Variants in ARHGEF28 observed in about 807,000 individuals in gnomAD.
The protein encoded by ARHGEF28 is 190 kDa guanine nucleotide exchange factor.
In ARHGEF28, 152 loss-of-function variants were observed where a neutral mutation model predicts 206.6. The ratio of observed to expected loss-of-function variants is 0.74; its 90% CI spans 0.64 to 0.84. The LOEUF (loss-of-function observed/expected upper bound fraction) is 0.84. Ranked by LOEUF, ARHGEF28 falls within the 40% of genes least tolerant of loss-of-function variation. ARHGEF28 has a pLI of 0.00. For synonymous variants in ARHGEF28, 763 were observed against 776.4 expected, an observed-to-expected ratio of 0.98 and a Z score of 0.29; for missense variants, 2,028 against 2,073.2, an observed-to-expected ratio of 0.98 and a Z score of 0.42.
intron 16 of ARHGEF28, 54 bp from the exon 17 acceptor site, chr5:73,864,763 T>C: frequency 6.7e-7 from 1 of 1,489,056 alleles, no homozygotes; most frequent in Non-Finnish European, 9.3e-7. Context: ...GTCTTATTAA[T>C]TTCAGACTAA....
chr5:73,654,911 T>A (rs1745086979), intron 1 of ARHGEF28, among the ~76,000 whole-genome samples: 1 of 152,204 alleles, frequency 6.6e-6, no homozygotes. Context: ...AGGGAGAGAT[T>A]CTGCCTCCAG....
chr5:73,669,499 A>G (rs951060343), intron 1 of ARHGEF28, among the ~76,000 whole-genome samples: 1 of 152,186 alleles, frequency 6.6e-6, no homozygotes, highest in Non-Finnish European at 1.5e-5. Flanking sequence ...TAATATAACA[A>G]CCAATCTAGA....
chr5:73,865,010 A>C, intron 17 of ARHGEF28, 138 bp downstream of exon 17: 1 of 731,104 alleles, frequency 1.4e-6, no homozygotes, highest in South Asian at 2.0e-5. Context: ...ATATGCTCAA[A>C]GTGTATAGTT....
At chr5:73,854,300 G>A (rs547414426) in intron 14 of ARHGEF28, among the ~76,000 whole-genome samples, 313 of 152,262 alleles carry the variant, frequency 2.1e-3, no homozygotes, top group Non-Finnish European at 3.9e-3. Flanking sequence ...TTCTAGAAAA[G>A]GGGACATCCA....
chr5:73,909,572 A>C lies in ARHGEF28; in HGVS notation c.4322A>C (p.His1441Pro), dbSNP rs1344057370. 1 of 1,567,244 alleles carries C rather than the reference A, an allele frequency of 6.4e-7. No homozygotes were observed. Among genetic ancestry groups the C allele is most frequent in the Admixed American group, 1.9e-5 (1 of 52,618 alleles). ...CAGCATGAGGAGCTGGCCAATGTGC[A>C]CCAGCTTCAGCACCAGCTCCAGCAG... ...DRQHEELANV[H>P]QLQHQLQQEQ... Residue 1441 changes from histidine (H) to proline (P), a missense_variant, in exon 34 of 36, where the codon CAC becomes CCC. Transcript: ENST00000513042.
At chr5:73,791,650 G>GA (rs35287391) in intron 7 of ARHGEF28, among the ~76,000 whole-genome samples, 79,755 of 151,978 alleles carry the variant, frequency 0.52, 21,227 homozygotes, top group African/African-American at 0.62. Flanking sequence ...ATAGAGGTGA[G>GA]TTTTTTAGGC....
intron 9 of ARHGEF28, among the ~76,000 whole-genome samples, chr5:73,810,678 T>G (rs1755790259): frequency 6.6e-6 from 1 of 152,188 alleles, no homozygotes; most frequent in South Asian, 2.1e-4. Flanking sequence ...GAGAGATTGA[T>G]TCAACACATC....
intron 13 of ARHGEF28, among the ~76,000 whole-genome samples, chr5:73,850,979 G>A (rs1338118818): frequency 2.6e-5 from 4 of 152,132 alleles, no homozygotes; most frequent in Non-Finnish European, 5.9e-5. Flanking sequence ...TTATATGGCT[G>A]CAAACATTTG....
At position 73,858,202 on chromosome 5, in the gene ARHGEF28, A is replaced by G. The variant is rs770919124; in HGVS notation, c.2030A>G (p.Glu677Gly). Residue 677 changes from glutamate to glycine, a missense_variant, in exon 16 of 36, where the codon GAG becomes GGG. Coordinates refer to ENST00000513042, the MANE Select transcript of ARHGEF28 (RefSeq NM_001177693.2). ...TGTGATAAAACACTCCTGGGGAAAG[A>G]GTCACTGCAGTGTTCTAGTAAGTTC... ...LVCDKTLLGKESLQCSNCNAN... is the reference protein window; with the variant it reads ...LVCDKTLLGKGSLQCSNCNAN... 3.1e-6 allele frequency: 5 copies of G among 1,600,432 alleles called. No homozygotes were observed. The highest frequency in any genetic ancestry group is 1.1e-5 in the South Asian group (1 of 88,086).
chr5:73,913,354 C>T (rs1267313201), intron 35 of ARHGEF28, among the ~76,000 whole-genome samples: 1 of 128,022 alleles, frequency 7.8e-6, no homozygotes, highest in Non-Finnish European at 1.6e-5. Flanking sequence ...TTTATGTTTA[C>T]TTCATGATAA....
At chr5:73,830,570 AAAAAAAAG>A (rs1757234448) in intron 9 of ARHGEF28, among the ~76,000 whole-genome samples, 1 of 152,016 alleles carries the variant, frequency 6.6e-6, no homozygotes, top group African/African-American at 2.4e-5. Context: ...GAAAAAAAAA[AAAAAAAAG>A]AAAATGTTTT....
intron 9 of ARHGEF28, among the ~76,000 whole-genome samples, chr5:73,800,155 A>G (rs75234387): frequency 0.031 from 4,744 of 152,158 alleles, 266 homozygotes; most frequent in African/African-American, 0.11. Flanking sequence ...TCCTACCAGC[A>G]TTTTTTCTCA....
intron 9 of ARHGEF28, among the ~76,000 whole-genome samples, chr5:73,818,545 T>A (rs1262722337): frequency 6.6e-6 from 1 of 152,242 alleles, no homozygotes; most frequent in African/African-American, 2.4e-5. Flanking sequence ...GGGAAACATT[T>A]TTCTAAAGGT....
intron 35 of ARHGEF28, among the ~76,000 whole-genome samples, chr5:73,934,121 T>C (rs1217728620): frequency 6.6e-6 from 1 of 152,218 alleles, no homozygotes; most frequent in African/African-American, 2.4e-5. Context: ...TCATAAGAAC[T>C]GTGTTGTTTA....
intron 3 of ARHGEF28, among the ~76,000 whole-genome samples, chr5:73,750,221 T>C (rs1751953714): frequency 6.6e-6 from 1 of 152,154 alleles, no homozygotes; most frequent in Admixed American, 6.5e-5. Flanking sequence ...ACCCATCCTA[T>C]TGACTGCACC....
At chr5:73,762,226 T>G (rs1490815841) in intron 4 of ARHGEF28, among the ~76,000 whole-genome samples, 1 of 151,594 alleles carries the variant, frequency 6.6e-6, no homozygotes, top group Non-Finnish European at 1.5e-5. Flanking sequence ...GAGGCTGAGG[T>G]GGGTGGATCA....
At chr5:73,817,570 AAAG>A (rs530504551) in intron 9 of ARHGEF28, among the ~76,000 whole-genome samples, 19 of 152,326 alleles carry the variant, frequency 1.2e-4, no homozygotes, top group South Asian at 4.1e-4. Context: ...ATGGTAGAAT[AAAG>A]AAGGAGAAGG....
rs1308960327 is a variant in ARHGEF28, at chr5:73,898,055, C to T, written c.3935C>T (p.Thr1312Ile). 6.2e-7 allele frequency: 1 copy of T among 1,611,876 alleles called. No homozygotes were observed. Among genetic ancestry groups the T allele is most frequent in the African/African-American group, 1.3e-5 (1 of 74,888 alleles). ...TGTGGAGACTCTGTCTTGGCGGACA[C>T]ACTCAGTTCTCATGATGTACCAGGA... The part of the protein sequence containing the change: ...DSCGDSVLAD[T>I]LSSHDVPGSP... The change falls in exon 30 of 36, where the codon ACA becomes ATA. Residue 1312 changes from threonine to isoleucine, a missense_variant. By Grantham distance (89) the Thr-to-Ile change is moderately conservative. Coordinates refer to ENST00000513042, the MANE Select transcript of ARHGEF28 (RefSeq NM_001177693.2).
chr5:73,876,466 G>A (rs1174479462), intron 22 of ARHGEF28, among the ~76,000 whole-genome samples: 1 of 136,450 alleles, frequency 7.3e-6, no homozygotes, highest in Admixed American at 7.5e-5. Flanking sequence ...TGTTGAATAG[G>A]AGTGGTGAGA....
Sources: gnomAD v4.1 joint callset for allele counts (sites outside exome capture counted in the v4.1 genomes callset) on GRCh38, gnomAD v4.1.1 for gene constraint, MANE v1.5 for transcripts, NCBI Gene and HGNC (gene_info 2026-07-23, HGNC 2026-07-21) for gene names.